Variants in KLF8 observed in about 807,000 individuals in gnomAD.
The protein encoded by KLF8 is Krueppel-like factor 8.
In KLF8, 10 loss-of-function variants were observed where a neutral mutation model predicts 18.2. The observed-to-expected ratio is 0.55, with a 90% CI of 0.34 to 0.93. The LOEUF (loss-of-function observed/expected upper bound fraction) is 0.93, where lower values mean the gene tolerates loss of function less well. Ranked by LOEUF, KLF8 falls within the 40% of genes least tolerant of loss-of-function variation. The pLI is 0.02. For synonymous variants in KLF8, 109 were observed against 97.3 expected, an observed-to-expected ratio of 1.12 and a Z score of -0.71; for missense variants, 264 against 277.9, an observed-to-expected ratio of 0.95 and a Z score of 0.36.
At chrX:56,172,193 G>T in the KLF8 span, among the ~76,000 whole-genome samples, 246 of 109,906 alleles carry the variant, frequency 2.2e-3, 1 homozygote, top group African/African-American at 7.8e-3. Flanking sequence ...TGCCATATTG[G>T]TGTGCTGCAC....
chrX:55,989,065 A>G, the KLF8 span, among the ~76,000 whole-genome samples: 1 of 112,048 alleles, frequency 8.9e-6, no homozygotes, highest in East Asian at 2.8e-4. Flanking sequence ...ATCCTGAGAC[A>G]TTGCTGAATT....
At chrX:56,151,992 C>A in the KLF8 span, among the ~76,000 whole-genome samples, 1 of 111,002 alleles carries the variant, frequency 9.0e-6, no homozygotes, top group African/African-American at 3.3e-5. Flanking sequence ...AATTTGATTT[C>A]TTTTGTTTTT....
chrX:56,152,886 C>A, the KLF8 span, among the ~76,000 whole-genome samples: 1 of 111,997 alleles, frequency 8.9e-6, no homozygotes, highest in Admixed American at 9.5e-5. Flanking sequence ...GGAACAAGCC[C>A]AGACAGCTTA....
the KLF8 span, among the ~76,000 whole-genome samples, chrX:55,946,774 T>C: frequency 9.1e-6 from 1 of 109,885 alleles, no homozygotes; most frequent in African/African-American, 3.3e-5. Context: ...TACAATCAAC[T>C]CAAACAAATT....
chrX:56,226,409 A>G, the KLF8 span, among the ~76,000 whole-genome samples: 1 of 112,251 alleles, frequency 8.9e-6, no homozygotes, highest in Non-Finnish European at 1.9e-5. Context: ...CAAAAATAGC[A>G]TTACCATAAA....
chrX:55,987,412 C>T, the KLF8 span, among the ~76,000 whole-genome samples: 11 of 110,126 alleles, frequency 1.0e-4, no homozygotes, highest in Non-Finnish European at 2.1e-4. Context: ...CATGTGTTCT[C>T]ATTGTTCAAC....
chrX:55,966,824 C>T, the KLF8 span, among the ~76,000 whole-genome samples: 7 of 111,721 alleles, frequency 6.3e-5, no homozygotes, highest in African/African-American at 6.5e-5. Flanking sequence ...GATATGTGAC[C>T]GTTCAGACAG....
upstream of KLF8, among the ~76,000 whole-genome samples, chrX:56,229,488 G>A (rs185149232): frequency 1.3e-4 from 15 of 111,772 alleles, no homozygotes; most frequent in Non-Finnish European, 1.9e-4. Context: ...TTTCCTAGAC[G>A]GACAGGGAAA....
At chrX:56,208,523 C>T in the KLF8 span, among the ~76,000 whole-genome samples, 4 of 110,487 alleles carry the variant, frequency 3.6e-5, no homozygotes, top group African/African-American at 6.6e-5. Flanking sequence ...GTTTGGTTTG[C>T]TCTTGCTTTT....
chrX:56,086,875 A>C, the KLF8 span, among the ~76,000 whole-genome samples: 1 of 111,510 alleles, frequency 9.0e-6, no homozygotes, highest in East Asian at 2.8e-4. Context: ...AACCTAAAGA[A>C]CTGGGAGCAT....
At chrX:56,182,815 G>T in the KLF8 span, among the ~76,000 whole-genome samples, 2 of 112,495 alleles carry the variant, frequency 1.8e-5, no homozygotes, top group South Asian at 7.3e-4. Context: ...GTTGCTGCCT[G>T]TTCCTTCTTC....
chrX:56,188,694 A>G, the KLF8 span, among the ~76,000 whole-genome samples: 1 of 111,888 alleles, frequency 8.9e-6, no homozygotes, highest in Non-Finnish European at 1.9e-5. Flanking sequence ...GAAACAGAAT[A>G]GAGCCCTCAG....
chrX:55,940,334 A>C, the KLF8 span, among the ~76,000 whole-genome samples: 2 of 112,026 alleles, frequency 1.8e-5, no homozygotes, highest in Admixed American at 9.5e-5. Flanking sequence ...ACAACCCTTC[A>C]TGCTAAAAAC....
the KLF8 span, among the ~76,000 whole-genome samples, chrX:56,137,903 A>G: frequency 9.1e-6 from 1 of 109,687 alleles, no homozygotes; most frequent in South Asian, 3.9e-4. Context: ...ACAGAAGATC[A>G]ACAAAACTAA....
At chrX:56,136,199 C>T in the KLF8 span, among the ~76,000 whole-genome samples, 1 of 111,459 alleles carries the variant, frequency 9.0e-6, no homozygotes, top group Middle Eastern at 4.6e-3. Context: ...AGATTCAATG[C>T]CATCCCCATC....
chrX:56,038,153 G>A, the KLF8 span, among the ~76,000 whole-genome samples: 1 of 111,970 alleles, frequency 8.9e-6, no homozygotes, highest in African/African-American at 3.2e-5. Context: ...GCAAATGACT[G>A]GGTCGTATTC....
the KLF8 span, among the ~76,000 whole-genome samples, chrX:55,922,377 C>T: frequency 1.6e-4 from 18 of 112,666 alleles, no homozygotes; most frequent in African/African-American, 5.8e-4. Context: ...AAACCAAACA[C>T]TGCGTGTTCT....
chrX:56,114,399 G>A, the KLF8 span, among the ~76,000 whole-genome samples: 6 of 112,939 alleles, frequency 5.3e-5, no homozygotes, highest in African/African-American at 1.9e-4. Flanking sequence ...TCGCTCTGCT[G>A]CGAACTTACT....
At chrX:56,018,299 CCTTA>C in the KLF8 span, among the ~76,000 whole-genome samples, 1 of 110,969 alleles carries the variant, frequency 9.0e-6, no homozygotes, top group Non-Finnish European at 1.9e-5. Context: ...TCTCTCGGTG[CCTTA>C]CTTATTTCAC....
Sources: gnomAD v4.1 joint callset for allele counts (sites outside exome capture counted in the v4.1 genomes callset) on GRCh38, gnomAD v4.1.1 for gene constraint, MANE v1.5 for transcripts, NCBI Gene and HGNC (gene_info 2026-07-23, HGNC 2026-07-21) for gene names.